The following LIMD1 variants were observed in gnomAD, a reference collection of about 807,000 sequenced individuals.
LIMD1 encodes LIM domain containing 1.
Under a neutral mutation model 58.4 loss-of-function variants are expected in LIMD1, and 23 were observed. The ratio of observed to expected loss-of-function variants is 0.39; its 90% CI spans 0.28 to 0.56. The LOEUF (loss-of-function observed/expected upper bound fraction) is 0.56. Among genes scored for constraint, LIMD1 ranks in the 20% least tolerant of loss-of-function variants. The probability of loss-of-function intolerance (pLI) is 0.57; values close to 1 mark genes in which losing one functional copy is unlikely to be tolerated. For synonymous variants in LIMD1, 334 were observed against 345.5 expected (o/e 0.97, Z 0.37); for missense variants, 838 against 855.5 (o/e 0.98, Z 0.25).
rs57306025 is a variant in LIMD1, at chr3:45,629,412, C to CAAAA, written c.1409-6723_1409-6720dup. On this transcript the variant is annotated intron_variant, in intron 1 of 7. Coordinates refer to ENST00000273317, the MANE Select transcript of LIMD1 (RefSeq NM_014240.3). ...TGGGTGACAAAGAAGACTCTTGTCT[C>CAAAA]AAAAAAAAAAAAAAAAAAGAAAAGA... Among the ~76,000 whole-genome samples the CAAAA allele has an allele frequency of 8.6e-4, 84 of 97,538 alleles. 1 individual carries two copies. The highest frequency in any genetic ancestry group is 2.9e-3 in the African/African-American group (79 of 27,544). The allele number at this position is 97,538 out of a possible 152,430, so 64.0% of individuals were successfully genotyped here.
In LIMD1 at chr3:45,628,430, T is replaced by G. The variant is rs35126496; in HGVS notation, c.1409-7720T>G. Among the ~76,000 whole-genome samples, 626 of 152,296 alleles carry G rather than the reference T, an allele frequency of 4.1e-3. 2 individuals carry two copies. Among genetic ancestry groups the G allele is most frequent in the Admixed American group, 7.7e-3 (118 of 15,300 alleles). ...CACACAACATCAGTTACTAGAGAGA[T>G]GCAGATTAAAACTACAATGAGATGC... On this transcript the variant is annotated intron_variant, in intron 1 of 7. Transcript: ENST00000273317.
At chr3:45,651,918 C>T (rs1046005677) in intron 2 of LIMD1, among the ~76,000 whole-genome samples, 13 of 145,166 alleles carry the variant, frequency 9.0e-5, no homozygotes, top group East Asian at 2.1e-4. Flanking sequence ...AGGCGTGAGC[C>T]ACCGCACCCG....
At chr3:45,617,909 T>C (rs1218130260) in intron 1 of LIMD1, among the ~76,000 whole-genome samples, 1 of 152,216 alleles carries the variant, frequency 6.6e-6, no homozygotes, top group African/African-American at 2.4e-5. Flanking sequence ...CCTTCTCTGG[T>C]ATAGCCTTCC....
chr3:45,596,319 TG>T (rs1330410779), intron 1 of LIMD1, 32 bp downstream of exon 1: 1 of 1,513,344 alleles, frequency 6.6e-7, no homozygotes, highest in African/African-American at 1.4e-5. Flanking sequence ...TTGCCTATGG[TG>T]GGGCGATGGG....
chr3:45,651,482 C>T (rs1701973967), intron 2 of LIMD1, among the ~76,000 whole-genome samples: 1 of 152,094 alleles, frequency 6.6e-6, no homozygotes, highest in Non-Finnish European at 1.5e-5. Flanking sequence ...ACATTTAAGT[C>T]CTTAATCCAT....
intron 1 of LIMD1, among the ~76,000 whole-genome samples, chr3:45,625,393 G>A (rs1220077424): frequency 1.3e-5 from 2 of 152,116 alleles, no homozygotes; most frequent in African/African-American, 4.8e-5. Context: ...GAACACAGTT[G>A]TGTATGTGCC....
At chr3:45,610,138 T>G (rs1204600351) in intron 1 of LIMD1, among the ~76,000 whole-genome samples, 1 of 152,150 alleles carries the variant, frequency 6.6e-6, no homozygotes, top group Non-Finnish European at 1.5e-5. Context: ...GAGCCGAGAT[T>G]GTGCCACTGC....
intron 2 of LIMD1, among the ~76,000 whole-genome samples, chr3:45,644,368 C>A (rs1701879656): frequency 6.6e-6 from 1 of 152,184 alleles, no homozygotes; most frequent in East Asian, 1.9e-4. Flanking sequence ...AAAATGCTTA[C>A]ACATTTTGAA....
chr3:45,667,731 T>G (rs1436752308), intron 3 of LIMD1, among the ~76,000 whole-genome samples: 1 of 152,108 alleles, frequency 6.6e-6, no homozygotes, highest in East Asian at 1.9e-4. Context: ...CCTTACCCTT[T>G]GTTGGCTGTG....
chr3:45,617,773 C>T (rs1428403900), intron 1 of LIMD1, among the ~76,000 whole-genome samples: 3 of 152,158 alleles, frequency 2.0e-5, no homozygotes, highest in Non-Finnish European at 4.4e-5. Context: ...GCAACCAAGC[C>T]TTCTGCTTCT....
At position 45,595,856 on chromosome 3, in the gene LIMD1, T is replaced by C; in HGVS notation, c.977T>C (p.Met326Thr). 7 of 1,614,232 alleles carry C rather than the reference T, an allele frequency of 4.3e-6. No homozygotes were observed. Among genetic ancestry groups the C allele is most frequent in the Non-Finnish European group, 5.9e-6 (7 of 1,180,036 alleles). The stretch of plus-strand genomic sequence containing the variant: ...CTGGGGGGTGAGGTTTCAGGTGTGA[T>C]GTCCAAACCCAATGTGGACCCCCAA... Reference protein sequence around the residue: ...SGLGGEVSGVMSKPNVDPQPW... With the variant: ...SGLGGEVSGVTSKPNVDPQPW... Residue 326 changes from methionine (M) to threonine (T), a missense_variant, in exon 1 of 8, where the codon ATG becomes ACG. Met to Thr is a moderately conservative substitution (Grantham distance 81). Transcript: ENST00000273317.
intron 1 of LIMD1, among the ~76,000 whole-genome samples, chr3:45,614,052 G>A (rs1041633625): frequency 6.6e-6 from 1 of 152,028 alleles, no homozygotes; most frequent in Non-Finnish European, 1.5e-5. Context: ...AGCTGGCAAC[G>A]CTTGGCTGAT....
chr3:45,605,554 ATTC>A (rs72167427), intron 1 of LIMD1, among the ~76,000 whole-genome samples: 31,151 of 152,066 alleles, frequency 0.2, 3,263 homozygotes, highest in East Asian at 0.32. Context: ...AGGCACTGTG[ATTC>A]TTGGATCTCT....
intron 2 of LIMD1, among the ~76,000 whole-genome samples, chr3:45,637,876 A>C (rs931502649): frequency 3.3e-5 from 5 of 152,188 alleles, no homozygotes; most frequent in African/African-American, 1.2e-4. Context: ...TGGTTTACAC[A>C]TTGATCAGTG....
chr3:45,617,394 C>T (rs1180255129), intron 1 of LIMD1, among the ~76,000 whole-genome samples: 1 of 152,110 alleles, frequency 6.6e-6, no homozygotes, highest in Non-Finnish European at 1.5e-5. Flanking sequence ...AGAAAGGGCC[C>T]TGATGGTTTG....
intron 4 of LIMD1, among the ~76,000 whole-genome samples, chr3:45,671,627 G>C (rs1029137723): frequency 6.6e-6 from 1 of 152,144 alleles, no homozygotes; most frequent in African/African-American, 2.4e-5. Context: ...GACTCAGTTC[G>C]AGTTAAACCA....
intron 2 of LIMD1, among the ~76,000 whole-genome samples, chr3:45,658,535 CTTTTTTTTTTTTTTTT>C (rs10572210): frequency 6.3e-4 from 28 of 44,758 alleles, no homozygotes; most frequent in Middle Eastern, 0.029. Flanking sequence ...CATGCAGATT[CTTTTTTTTTTTTTTTT>C]TTTTTTTTTT....
intron 1 of LIMD1, among the ~76,000 whole-genome samples, chr3:45,632,921 G>A (rs1701750324): frequency 6.6e-6 from 1 of 152,196 alleles, no homozygotes; most frequent in Non-Finnish European, 1.5e-5. Flanking sequence ...AAAGATGAGT[G>A]GTGATGCCTC....
chr3:45,637,196 A>G (rs1388891661), intron 2 of LIMD1, among the ~76,000 whole-genome samples: 1 of 152,182 alleles, frequency 6.6e-6, no homozygotes, highest in Non-Finnish European at 1.5e-5. Flanking sequence ...TGATAGGATT[A>G]GCTAGGAACC....
Sources: allele counts gnomAD v4.1 joint callset (sites outside exome capture counted in the v4.1 genomes callset), GRCh38; gene constraint gnomAD v4.1.1; transcripts MANE v1.5; gene names NCBI Gene and HGNC (gene_info 2026-07-23, HGNC 2026-07-21).